RGS6: variants seen among roughly 807,000 people sequenced by gnomAD.
RGS6 encodes the protein regulator of G protein signaling 6.
In RGS6, 30 loss-of-function variants were observed where a neutral mutation model predicts 78.5. The observed-to-expected ratio is 0.38, with a 90% CI of 0.29 to 0.52. The LOEUF (loss-of-function observed/expected upper bound fraction) is 0.52. Among genes scored for constraint, RGS6 ranks in the 20% least tolerant of loss-of-function variants. The pLI is 0.85. For missense variants in RGS6, 495 were observed against 609.7 expected, an observed-to-expected ratio of 0.81 and a Z score of 1.98; for synonymous variants, 206 against 206.0, an observed-to-expected ratio of 1.00 and a Z score of 0.00.
chr14:72,128,040 A>G (rs4902987), intron 2 of RGS6, among the ~76,000 whole-genome samples: 79,337 of 152,006 alleles, frequency 0.52, 21,019 homozygotes, highest in Admixed American at 0.59. Flanking sequence ...TGGTATGGAT[A>G]GACCACAGTT....
At chr14:72,011,689 T>C (rs2085770598) in intron 2 of RGS6, among the ~76,000 whole-genome samples, 1 of 152,158 alleles carries the variant, frequency 6.6e-6, no homozygotes, top group South Asian at 2.1e-4. Flanking sequence ...ATTTAAAGTA[T>C]AGAGGAGGGT....
chr14:72,508,301 G>C (rs1339359950), intron 13 of RGS6, among the ~76,000 whole-genome samples: 1 of 152,144 alleles, frequency 6.6e-6, no homozygotes, highest in Non-Finnish European at 1.5e-5. Flanking sequence ...GGTATGTCTA[G>C]AGCTGCATAC....
At chr14:72,270,176 C>T (rs1042616101) in intron 2 of RGS6, among the ~76,000 whole-genome samples, 6 of 152,154 alleles carry the variant, frequency 3.9e-5, no homozygotes, top group African/African-American at 9.7e-5. Flanking sequence ...CCCTATGCCA[C>T]GTGCTCCTCT....
At chr14:72,417,502 G>T (rs61995143) in intron 3 of RGS6, among the ~76,000 whole-genome samples, 9,610 of 152,180 alleles carry the variant, frequency 0.063, 375 homozygotes, top group African/African-American at 0.11. Context: ...CCCAGATAGT[G>T]GGGAGCTGGA....
intron 2 of RGS6, among the ~76,000 whole-genome samples, chr14:72,133,716 G>A (rs1274830692): frequency 6.6e-6 from 1 of 152,038 alleles, no homozygotes; most frequent in Non-Finnish European, 1.5e-5. Flanking sequence ...CCACTGTCAG[G>A]TAAGTCTCTG....
chr14:72,014,132 A>G (rs2086449906), intron 2 of RGS6, among the ~76,000 whole-genome samples: 1 of 152,176 alleles, frequency 6.6e-6, no homozygotes, highest in Non-Finnish European at 1.5e-5. Context: ...TGCTCTTTGT[A>G]AGGATATGGC....
chr14:72,133,106 C>T (rs948655572), intron 2 of RGS6, among the ~76,000 whole-genome samples: 2 of 152,142 alleles, frequency 1.3e-5, no homozygotes, highest in Non-Finnish European at 1.5e-5. Flanking sequence ...ACATGTCCAT[C>T]TCTCATTGGG....
chr14:72,573,677 G>A, the RGS6 span, among the ~76,000 whole-genome samples: 2 of 152,158 alleles, frequency 1.3e-5, no homozygotes, highest in Non-Finnish European at 2.9e-5. Context: ...CCCAGTCTGT[G>A]AGCTGTGGCC....
At chr14:72,279,042 T>C (rs1281382947) in intron 2 of RGS6, among the ~76,000 whole-genome samples, 1 of 152,148 alleles carries the variant, frequency 6.6e-6, no homozygotes, top group African/African-American at 2.4e-5. Context: ...TTATCATCGC[T>C]TAACCTTAAT....
At chr14:72,547,413 C>T in intron 17 of RGS6, 1 of 1,237,336 alleles carries the variant, frequency 8.1e-7, no homozygotes, top group Non-Finnish European at 1.1e-6. Context: ...AAATGAGCTC[C>T]TGGTGGAAAC....
the RGS6 span, among the ~76,000 whole-genome samples, chr14:72,601,162 C>G: frequency 2.6e-5 from 4 of 152,082 alleles, no homozygotes; most frequent in African/African-American, 9.7e-5. Flanking sequence ...CATCCTAACC[C>G]GAAAGGGGGC....
At chr14:72,098,628 G>A (rs1399169804) in intron 2 of RGS6, among the ~76,000 whole-genome samples, 1 of 152,174 alleles carries the variant, frequency 6.6e-6, no homozygotes, top group Non-Finnish European at 1.5e-5. Context: ...TCAGGAGACT[G>A]TACATAAAAA....
chr14:72,363,373 G>T (rs906272091), intron 3 of RGS6, among the ~76,000 whole-genome samples: 1 of 152,240 alleles, frequency 6.6e-6, no homozygotes, highest in Non-Finnish European at 1.5e-5. Context: ...TGAAACCATG[G>T]CTGTACAGCC....
intron 2 of RGS6, among the ~76,000 whole-genome samples, chr14:72,044,897 CAAA>C (rs1177670490): frequency 6.6e-6 from 1 of 151,848 alleles, no homozygotes; most frequent in Non-Finnish European, 1.5e-5. Context: ...ACCAAACTAA[CAAA>C]AAAACCCAAA....
At chr14:72,538,979 C>T (rs1435851539) in intron 16 of RGS6, among the ~76,000 whole-genome samples, 1 of 152,198 alleles carries the variant, frequency 6.6e-6, no homozygotes, top group Non-Finnish European at 1.5e-5. Context: ...CAGTTATTTG[C>T]TGGGTGTATG....
At chr14:72,351,893 G>A (rs1203606439) in intron 2 of RGS6, among the ~76,000 whole-genome samples, 7 of 152,084 alleles carry the variant, frequency 4.6e-5, no homozygotes, top group African/African-American at 1.4e-4. Flanking sequence ...CTTATGCTCT[G>A]TATATAACCT....
intron 2 of RGS6, among the ~76,000 whole-genome samples, chr14:72,242,825 A>G (rs1254394749): frequency 2.1e-5 from 3 of 141,300 alleles, no homozygotes; most frequent in African/African-American, 5.2e-5. Context: ...TATTTTTCCA[A>G]CTTCATTTCT....
At chr14:72,579,306 A>T in the RGS6 span, among the ~76,000 whole-genome samples, 194 of 152,364 alleles carry the variant, frequency 1.3e-3, no homozygotes, top group African/African-American at 4.5e-3. Context: ...GTCCCTGGCC[A>T]TCACTGTCAT....
chr14:71,993,625 T>C (rs1178216193), intron 2 of RGS6, among the ~76,000 whole-genome samples: 1 of 152,182 alleles, frequency 6.6e-6, no homozygotes, highest in African/African-American at 2.4e-5. Context: ...AGTTTGACCT[T>C]GACCTTAACC....
Sources: gnomAD v4.1 joint callset for allele counts (sites outside exome capture counted in the v4.1 genomes callset) on GRCh38, gnomAD v4.1.1 for gene constraint, MANE v1.5 for transcripts, NCBI Gene and HGNC (gene_info 2026-07-23, HGNC 2026-07-21) for gene names.